Variants in SLC47A1 observed in about 807,000 individuals in gnomAD.
SLC47A1 encodes solute carrier family 47 member 1, also known as multidrug and toxin extrusion protein 1.
A neutral mutation model predicts 65.8 loss-of-function variants in SLC47A1; 58 were observed. The observed-to-expected ratio is 0.88, with a 90% CI of 0.71 to 1.10. The LOEUF is 1.10. Ranked by LOEUF, SLC47A1 falls within the 50% of genes least tolerant of loss-of-function variation. The pLI is 0.00. For synonymous variants in SLC47A1, 285 were observed against 295.0 expected (o/e 0.97, Z 0.35); for missense variants, 706 against 719.2 (o/e 0.98, Z 0.21).
At chr17:19,543,196 G>A (rs1415536398) in intron 2 of SLC47A1, among the ~76,000 whole-genome samples, 3 of 149,930 alleles carry the variant, frequency 2.0e-5, no homozygotes, top group Non-Finnish European at 4.4e-5. Flanking sequence ...TGCAACCTCC[G>A]ATTCCTGGGT....
intron 16 of SLC47A1, among the ~76,000 whole-genome samples, chr17:19,576,101 C>T (rs1427778972): frequency 6.6e-6 from 1 of 150,736 alleles, no homozygotes; most frequent in Non-Finnish European, 1.5e-5. Flanking sequence ...GAGAGACTGG[C>T]ATTATTTTGT....
intron 2 of SLC47A1, among the ~76,000 whole-genome samples, chr17:19,545,783 C>A (rs1243030511): frequency 6.6e-6 from 1 of 152,164 alleles, no homozygotes; most frequent in African/African-American, 2.4e-5. Flanking sequence ...AACCACCACA[C>A]CTGGCCAACA....
chr17:19,577,392 G>C lies in SLC47A1; in HGVS notation c.1552G>C (p.Asp518His). ...TGGAAAGACAGGCGAGCCTCAGTCA[G>C]ATCAGCAGATGCGCCAAGAAGAACC... Reference protein sequence around the residue: ...DVGKTGEPQSDQQMRQEEPLP... With the variant: ...DVGKTGEPQSHQQMRQEEPLP... Residue 518 changes from aspartate (D) to histidine (H), a missense_variant, in exon 17 of 17, where the codon GAT (aspartate) becomes CAT (histidine). By Grantham distance (81) the Asp-to-His change is moderately conservative (BLOSUM62 -1). Transcript: ENST00000270570. 1.2e-6 allele frequency: 2 copies of C among 1,614,228 alleles called. No homozygotes were observed. The highest frequency in any genetic ancestry group is 1.1e-5 in the South Asian group (1 of 91,088).
chr17:19,554,093 G>A (rs1472314451), intron 6 of SLC47A1, among the ~76,000 whole-genome samples: 1 of 152,138 alleles, frequency 6.6e-6, no homozygotes, highest in Non-Finnish European at 1.5e-5. Flanking sequence ...TTGGCCTGTC[G>A]CAGTGAGAGA....
In SLC47A1 at chr17:19,533,964, C is replaced by T. The variant is rs1915916835; in HGVS notation, c.25C>T (p.Pro9Ser). MEAPEEPA[P>S]VRGGPEATLE... Reference sequence around the variant, plus strand: ...CATGGAAGCTCCTGAGGAGCCCGCGCCAGTGCGCGGAGGCCCGGAGGCCAC... The same window carrying T: ...CATGGAAGCTCCTGAGGAGCCCGCGTCAGTGCGCGGAGGCCCGGAGGCCAC... Residue 9 changes from proline to serine, a missense_variant, in exon 1 of 17, where the codon CCA becomes TCA. Pro to Ser is a moderately conservative substitution (Grantham distance 74). Transcript: ENST00000270570. 6.5e-7 allele frequency: 1 copy of T among 1,535,238 alleles called. No individual in the cohort carries two copies.
intron 13 of SLC47A1, 35 bp downstream of exon 13, chr17:19,566,894 A>T (rs2084362364): frequency 6.2e-7 from 1 of 1,609,290 alleles, no homozygotes; most frequent in South Asian, 1.1e-5. Flanking sequence ...AAGCACTGTT[A>T]TGATCTTCTG....
At chr17:19,535,594 A>G (rs1915969092) in intron 1 of SLC47A1, 1 of 152,076 alleles carries the variant, frequency 6.6e-6, no homozygotes, top group Non-Finnish European at 1.5e-5. Flanking sequence ...TACTAAAAAT[A>G]CAAAAAATAA....
intron 6 of SLC47A1, among the ~76,000 whole-genome samples, chr17:19,553,135 G>A (rs1040787065): frequency 6.6e-6 from 1 of 152,046 alleles, no homozygotes; most frequent in Non-Finnish European, 1.5e-5. Flanking sequence ...GCTGAGTGTA[G>A]AACCAAAGAG....
At chr17:19,552,078 T>A (rs1916467210) in intron 6 of SLC47A1, among the ~76,000 whole-genome samples, 1 of 152,230 alleles carries the variant, frequency 6.6e-6, no homozygotes, top group Admixed American at 6.5e-5. Flanking sequence ...ACAGGGGTAC[T>A]CGGCAATGGA....
intron 1 of SLC47A1, chr17:19,534,402 A>C: frequency 3.7e-6 from 1 of 270,174 alleles, no homozygotes. Flanking sequence ...CTTTGCCCCT[A>C]ACGGGGCTCT....
intron 14 of SLC47A1, among the ~76,000 whole-genome samples, chr17:19,567,447 G>A (rs1340810946): frequency 6.6e-6 from 1 of 152,114 alleles, no homozygotes; most frequent in Non-Finnish European, 1.5e-5. Flanking sequence ...ACACCCCTGC[G>A]GGCGATCTTC....
intron 6 of SLC47A1, among the ~76,000 whole-genome samples, chr17:19,552,930 G>A (rs1007656160): frequency 2.0e-5 from 3 of 152,134 alleles, no homozygotes; most frequent in Admixed American, 2.0e-4. Flanking sequence ...CTAATTGGGA[G>A]AGGAAGAGGG....
intron 1 of SLC47A1, among the ~76,000 whole-genome samples, chr17:19,539,590 T>G (rs1437362353): frequency 6.6e-6 from 1 of 151,984 alleles, no homozygotes; most frequent in Non-Finnish European, 1.5e-5. Context: ...GTTCAAACGA[T>G]TCTCCTGCCT....
chr17:19,564,155 C>T (rs1363850878), intron 12 of SLC47A1, among the ~76,000 whole-genome samples: 1 of 152,074 alleles, frequency 6.6e-6, no homozygotes, highest in African/African-American at 2.4e-5. Context: ...GAGTTCAAGA[C>T]CAGCCTGGGA....
chr17:19,561,769 C>T (rs990829657), intron 12 of SLC47A1, among the ~76,000 whole-genome samples: 1 of 151,952 alleles, frequency 6.6e-6, no homozygotes, highest in Non-Finnish European at 1.5e-5. Flanking sequence ...TTTTATGCTT[C>T]TGCTGGTCAT....
In SLC47A1 at chr17:19,577,388, G is replaced by A; in HGVS notation, c.1548G>A (p.Gln516=). 6.2e-7 allele frequency: 1 copy of A among 1,614,208 alleles called. No homozygotes were observed. Among genetic ancestry groups the A allele is most frequent in the Non-Finnish European group, 8.5e-7 (1 of 1,180,046 alleles). Residue 516 remains glutamine (Q), a synonymous_variant, in exon 17 of 17, where the codon CAG becomes CAA. Transcript: ENST00000270570. The part of the protein sequence containing the change: ...TNDVGKTGEP[Q]SDQQMRQEEP... ...ATGTTGGAAAGACAGGCGAGCCTCA[G>A]TCAGATCAGCAGATGCGCCAAGAAG...
intron 10 of SLC47A1, 115 bp from the exon 11 acceptor site, chr17:19,560,073 C>A (rs1302144341): frequency 1.4e-5 from 10 of 716,940 alleles, no homozygotes; most frequent in Non-Finnish European, 2.3e-5. Context: ...TCAGTCTTTT[C>A]AAAACTTTTA....
Position 19,559,867 on chromosome 17 carries a change from A to C in SLC47A1, c.922-321A>C, listed in dbSNP as rs146058630. On this transcript the variant is annotated intron_variant, in intron 10 of 16. Coordinates refer to ENST00000270570, the MANE Select transcript of SLC47A1 (RefSeq NM_018242.3). Reference sequence around the variant, plus strand: ...ATTTAAAAACAAAAACAAAAAAAAAACAGACAAAACCTGGGCTCCTGGTGA... The same window carrying C: ...ATTTAAAAACAAAAACAAAAAAAAACCAGACAAAACCTGGGCTCCTGGTGA... Among the ~76,000 whole-genome samples, 566 of 151,988 alleles carry C rather than the reference A, an allele frequency of 3.7e-3. 8 individuals are homozygous for C. The highest frequency in any genetic ancestry group is 0.012 in the African/African-American group (514 of 41,428).
At chr17:19,564,218 G>T (rs1271105686) in intron 12 of SLC47A1, among the ~76,000 whole-genome samples, 1 of 151,994 alleles carries the variant, frequency 6.6e-6, no homozygotes, top group Non-Finnish European at 1.5e-5. Flanking sequence ...GGGCATGGTG[G>T]TGTGCACCTG....
Sources: allele counts gnomAD v4.1 joint callset (sites outside exome capture counted in the v4.1 genomes callset), GRCh38; gene constraint gnomAD v4.1.1; transcripts MANE v1.5; gene names NCBI Gene and HGNC (gene_info 2026-07-23, HGNC 2026-07-21).